The following PTPRD variants were observed in gnomAD, a reference collection of about 807,000 sequenced individuals.
PTPRD encodes protein tyrosine phosphatase receptor type D, also known as receptor-type tyrosine-protein phosphatase delta.
In PTPRD, 34 loss-of-function variants were observed where a neutral mutation model predicts 214.5. The ratio of observed to expected loss-of-function variants is 0.16; its 90% CI spans 0.12 to 0.21. PTPRD has a LOEUF of 0.21. PTPRD is among the 10% of genes least tolerant of loss of function. The pLI is 1.00. For missense variants in PTPRD, 2,545 were observed against 2,398.7 expected, an observed-to-expected ratio of 1.06 and a Z score of -1.27; for synonymous variants, 1,128 against 845.7, an observed-to-expected ratio of 1.33 and a Z score of -5.79.
intron 11 of PTPRD, among the ~76,000 whole-genome samples, chr9:8,768,667 G>A (rs936118336): frequency 6.6e-6 from 1 of 152,130 alleles, no homozygotes; most frequent in African/African-American, 2.4e-5. Context: ...CACTACAGAA[G>A]ACTACTGTTG....
At chr9:10,441,976 G>T (rs1243317419) in intron 2 of PTPRD, among the ~76,000 whole-genome samples, 3 of 151,414 alleles carry the variant, frequency 2.0e-5, no homozygotes, top group African/African-American at 7.3e-5. Context: ...AAAAACTGGA[G>T]AAAAAAGTTG....
At chr9:9,707,721 T>C (rs1376707016) in intron 7 of PTPRD, among the ~76,000 whole-genome samples, 2 of 152,136 alleles carry the variant, frequency 1.3e-5, no homozygotes, top group African/African-American at 2.4e-5. Flanking sequence ...AACCCTTTCT[T>C]ATAGTCACAT....
At chr9:8,590,606 T>C (rs982030851) in intron 14 of PTPRD, among the ~76,000 whole-genome samples, 4 of 152,158 alleles carry the variant, frequency 2.6e-5, no homozygotes, top group African/African-American at 9.7e-5. Context: ...GTTCACTAAC[T>C]GGCACTAGGT....
intron 11 of PTPRD, among the ~76,000 whole-genome samples, chr9:8,769,250 T>C (rs1226271500): frequency 1.3e-5 from 2 of 151,894 alleles, no homozygotes. Context: ...TCATTCGGAA[T>C]TTCTTTATTT....
chr9:10,201,909 T>G (rs1554841565), intron 3 of PTPRD, among the ~76,000 whole-genome samples: 2 of 152,030 alleles, frequency 1.3e-5, no homozygotes, highest in Non-Finnish European at 2.9e-5. Context: ...CTTTTTTTTT[T>G]CCAGTGTGTT....
At chr9:8,758,299 A>C (rs890114769) in intron 11 of PTPRD, among the ~76,000 whole-genome samples, 1 of 152,192 alleles carries the variant, frequency 6.6e-6, no homozygotes, top group African/African-American at 2.4e-5. Flanking sequence ...ATGTAGTACC[A>C]CTCTAGATGC....
chr9:9,232,361 G>C (rs1272418287), intron 9 of PTPRD, among the ~76,000 whole-genome samples: 1 of 152,106 alleles, frequency 6.6e-6, no homozygotes, highest in Admixed American at 6.6e-5. Context: ...ATCTGTTGTT[G>C]CTATGCACCA....
intron 5 of PTPRD, among the ~76,000 whole-genome samples, chr9:9,782,679 C>T (rs1280945809): frequency 6.6e-6 from 1 of 152,016 alleles, no homozygotes; most frequent in Non-Finnish European, 1.5e-5. Flanking sequence ...ATGTGGAAGA[C>T]AAAAGAAGGA....
At chr9:9,919,129 A>G (rs1282290965) in intron 5 of PTPRD, among the ~76,000 whole-genome samples, 1 of 152,190 alleles carries the variant, frequency 6.6e-6, no homozygotes, top group African/African-American at 2.4e-5. Flanking sequence ...TGATTTATAT[A>G]AAATGAATAA....
chr9:10,313,667 A>C (rs2096335477), intron 3 of PTPRD, among the ~76,000 whole-genome samples: 1 of 151,948 alleles, frequency 6.6e-6, no homozygotes, highest in African/African-American at 2.4e-5. Context: ...ATAGCCATTA[A>C]GTCTACTGCC....
At chr9:9,718,028 G>A (rs1015475146) in intron 7 of PTPRD, among the ~76,000 whole-genome samples, 17 of 152,020 alleles carry the variant, frequency 1.1e-4, no homozygotes, top group African/African-American at 3.9e-4. Flanking sequence ...TACCTACTGG[G>A]GTGAAATAGG....
chr9:9,849,537 G>T (rs2060158154), intron 5 of PTPRD, among the ~76,000 whole-genome samples: 2 of 152,028 alleles, frequency 1.3e-5, no homozygotes, highest in South Asian at 2.1e-4. Flanking sequence ...GTTTTGAAAA[G>T]AATGATGATG....
intron 5 of PTPRD, among the ~76,000 whole-genome samples, chr9:9,794,216 T>TAC (rs2098987032): frequency 1.3e-5 from 2 of 151,072 alleles, no homozygotes; most frequent in Admixed American, 1.3e-4. Context: ...TATATATATA[T>TAC]ACACGTACAT....
chr9:9,408,081 A>C (rs909613367), intron 8 of PTPRD, among the ~76,000 whole-genome samples: 1 of 151,882 alleles, frequency 6.6e-6, no homozygotes, highest in African/African-American at 2.4e-5. Flanking sequence ...GCATGAACAG[A>C]AGCTATGAAA....
intron 9 of PTPRD, among the ~76,000 whole-genome samples, chr9:9,207,001 A>G (rs971403541): frequency 6.6e-6 from 1 of 152,210 alleles, no homozygotes; most frequent in Non-Finnish European, 1.5e-5. Flanking sequence ...ACCAGGTGGA[A>G]AATAATAGGG....
intron 8 of PTPRD, among the ~76,000 whole-genome samples, chr9:9,514,893 C>G (rs534611870): frequency 7.2e-5 from 11 of 152,088 alleles, no homozygotes; most frequent in Non-Finnish European, 1.6e-4. Flanking sequence ...CATTAAATTG[C>G]TCTGTGTCAT....
chr9:8,468,220 C>A (rs1465141211), intron 31 of PTPRD, among the ~76,000 whole-genome samples: 1 of 152,002 alleles, frequency 6.6e-6, no homozygotes, highest in East Asian at 1.9e-4. Flanking sequence ...TTGCTCTAAT[C>A]TCTGCAGGAT....
In PTPRD at chr9:9,788,425, G is replaced by A. The variant is rs190010348; in HGVS notation, c.-367-21574C>T. 5.9e-3 allele frequency among the ~76,000 whole-genome samples: 889 copies of A among 151,478 alleles called. 6 individuals carry two copies. Among genetic ancestry groups the A allele is most frequent in the Middle Eastern group, 0.041 (12 of 292 alleles). ...AAATTACCCGGGCATGGTGGCAGGCGCCTGTAGTCCCAGCTGCTGGGGAGG... is the reference window on the plus strand; with the variant it reads ...AAATTACCCGGGCATGGTGGCAGGCACCTGTAGTCCCAGCTGCTGGGGAGG... On this transcript the variant is annotated intron_variant, in intron 5 of 45. Coordinates refer to ENST00000381196, the MANE Select transcript of PTPRD (RefSeq NM_002839.4).
chr9:10,190,877 C>T (rs2099361137), intron 3 of PTPRD, among the ~76,000 whole-genome samples: 1 of 151,958 alleles, frequency 6.6e-6, no homozygotes, highest in Non-Finnish European at 1.5e-5. Flanking sequence ...TTACCTGTGG[C>T]CAGCAGCCTC....
Sources: allele counts gnomAD v4.1 joint callset (sites outside exome capture counted in the v4.1 genomes callset), GRCh38; gene constraint gnomAD v4.1.1; transcripts MANE v1.5; gene names NCBI Gene and HGNC (gene_info 2026-07-23, HGNC 2026-07-21).